The following COPS8 variants were observed in gnomAD, a reference collection of about 807,000 sequenced individuals.
COPS8 encodes the protein COP9 signalosome subunit 8.
COPS8 carries 11 observed loss-of-function variants against 31.5 expected under a neutral mutation model. That is an observed-to-expected ratio of 0.35 (90% CI 0.22 to 0.58). The LOEUF is 0.58. Among genes scored for constraint, COPS8 ranks in the 20% least tolerant of loss-of-function variants. COPS8 has a pLI of 0.83. For synonymous variants in COPS8, 81 were observed against 89.3 expected, an observed-to-expected ratio of 0.91 and a Z score of 0.52; for missense variants, 215 against 255.1, an observed-to-expected ratio of 0.84 and a Z score of 1.07.
chr2:237,086,107 T>G, intron 1 of COPS8, 65 bp downstream of exon 1: 3 of 1,450,342 alleles, frequency 2.1e-6, no homozygotes, highest in Non-Finnish European at 1.9e-6. Flanking sequence ...CGGCACCAGT[T>G]TCCAGGGTAA....
At chr2:237,094,005 C>T in intron 4 of COPS8, 85 bp from the exon 5 acceptor site, 1 of 1,535,636 alleles carries the variant, frequency 6.5e-7, no homozygotes, top group East Asian at 2.3e-5. Flanking sequence ...GAAAACTAGA[C>T]AAGGACAGTG....
At chr2:237,094,852 A>G (rs1003676096) in intron 5 of COPS8, among the ~76,000 whole-genome samples, 2 of 152,066 alleles carry the variant, frequency 1.3e-5, no homozygotes, top group African/African-American at 4.8e-5. Context: ...TGTAATCCCA[A>G]CTACTCAGGA....
intron 4 of COPS8, among the ~76,000 whole-genome samples, chr2:237,091,902 T>TGATA (rs1295666598): frequency 4.6e-5 from 7 of 152,166 alleles, no homozygotes; most frequent in Non-Finnish European, 7.3e-5. Context: ...GCCTCTGACC[T>TGATA]GATAGAGCCC....
chr2:237,097,611 C>A (rs1289911347), intron 7 of COPS8, 52 bp from the exon 8 acceptor site: 7 of 1,346,818 alleles, frequency 5.2e-6, no homozygotes, highest in Non-Finnish European at 2.1e-6. Context: ...GGGGCCAAAG[C>A]TTTGTTACTG....
chr2:237,086,998 T>G (rs1033524007), intron 1 of COPS8, 129 bp from the exon 2 acceptor site: 1 of 638,936 alleles, frequency 1.6e-6, no homozygotes, highest in Non-Finnish European at 2.6e-6. Context: ...ACTTATAGTC[T>G]TAGACTAAAA....
chr2:237,089,780 AT>A (rs2106344713), intron 3 of COPS8, 81 bp from the exon 4 acceptor site: 1 of 1,348,930 alleles, frequency 7.4e-7, no homozygotes, highest in East Asian at 2.4e-5. Flanking sequence ...TTTTTATATC[AT>A]TTCTGGTATT....
At position 237,099,427 on chromosome 2, in the gene COPS8, TTGTC is replaced by T. The variant is rs1696858012; in HGVS notation, c.*1686_*1689del. On this transcript the variant is annotated 3_prime_UTR_variant, in exon 8 of 8. Transcript: ENST00000354371. ...TCAAACACAATATTTCAATTTTACA[TTGTC>T]AGTGGGATATACACTAAGGACAGAA... The T allele has an allele frequency of 6.6e-6, 1 of 152,276 alleles. No homozygotes were observed. Among genetic ancestry groups the T allele is most frequent in the South Asian group, 2.1e-4 (1 of 4,828 alleles). 9.4% of individuals were successfully genotyped at this position (152,276 alleles called of 1,614,324 possible).
At chr2:237,095,317 C>T (rs1422602668) in intron 5 of COPS8, among the ~76,000 whole-genome samples, 2 of 152,074 alleles carry the variant, frequency 1.3e-5, no homozygotes, top group East Asian at 1.9e-4. Flanking sequence ...CTTGAATTTC[C>T]CTCAACTTTA....
intron 4 of COPS8, among the ~76,000 whole-genome samples, chr2:237,092,547 TAAAA>T (rs571024591): frequency 6.8e-6 from 1 of 147,416 alleles, no homozygotes; most frequent in Admixed American, 6.8e-5. Flanking sequence ...TTTACTTCTC[TAAAA>T]AAAAAAAGTA....
Position 237,098,256 on chromosome 2 carries a change from T to C in COPS8, c.*514T>C, listed in dbSNP as rs190691620. ...GCCACTAATGTAAGATACAGAAACA[T>C]AGCTGAGGAACAAATAGACCATTTC... On this transcript the variant is annotated 3_prime_UTR_variant, in exon 8 of 8. Transcript: ENST00000354371. 68 of 153,812 alleles carry C rather than the reference T, an allele frequency of 4.4e-4. No individual in the cohort carries two copies. Among genetic ancestry groups the C allele is most frequent in the Admixed American group, 3.7e-3 (58 of 15,614 alleles). 9.5% of individuals were successfully genotyped at this position (153,812 alleles called of 1,614,324 possible).
intron 4 of COPS8, among the ~76,000 whole-genome samples, chr2:237,090,791 A>G (rs1033671977): frequency 6.6e-5 from 10 of 152,218 alleles, no homozygotes; most frequent in African/African-American, 1.9e-4. Flanking sequence ...TAAAATTCTT[A>G]GCAGCATAAA....
chr2:237,089,349 T>G (rs966297895), intron 3 of COPS8, among the ~76,000 whole-genome samples: 4 of 152,166 alleles, frequency 2.6e-5, no homozygotes, highest in South Asian at 2.1e-4. Flanking sequence ...TTCCTCAGCT[T>G]CTTTGGCTAA....
At chr2:237,087,308 T>TAAAA in intron 2 of COPS8, 111 bp downstream of exon 2, 1 of 669,276 alleles carries the variant, frequency 1.5e-6, no homozygotes, top group Non-Finnish European at 2.6e-6. Context: ...CTACCTTTTT[T>TAAAA]ATTACAGTAA....
intron 6 of COPS8, chr2:237,096,552 C>G (rs1449996955): frequency 2.1e-6 from 1 of 468,462 alleles, no homozygotes; most frequent in Non-Finnish European, 3.7e-6. Flanking sequence ...ACTCGGAATG[C>G]CTATGTTTAG....
intron 4 of COPS8, among the ~76,000 whole-genome samples, chr2:237,091,720 C>T (rs1010380227): frequency 6.6e-6 from 1 of 152,276 alleles, no homozygotes; most frequent in African/African-American, 2.4e-5. Flanking sequence ...GAAACAAGGG[C>T]TGAGGAAGTA....
At chr2:237,097,274 G>A (rs1463141471) in intron 7 of COPS8, among the ~76,000 whole-genome samples, 2 of 131,652 alleles carry the variant, frequency 1.5e-5, no homozygotes, top group African/African-American at 5.8e-5. Context: ...ATTCTTCAGT[G>A]ATGTCTGGGG....
At chr2:237,086,877 C>T in intron 1 of COPS8, 1 of 417,260 alleles carries the variant, frequency 2.4e-6, no homozygotes, top group Non-Finnish European at 3.7e-6. Context: ...GAAACTGAAG[C>T]CCAAAGGGAG....
At position 237,094,113 on chromosome 2, in the gene COPS8, G is replaced by T; in HGVS notation, c.355G>T (p.Ala119Ser). 1.2e-6 allele frequency: 2 copies of T among 1,613,752 alleles called. No homozygotes were observed. The highest frequency in any genetic ancestry group is 4.5e-5 in the East Asian group (2 of 44,870). ...AGATGCAACAAGGAGACGCGCCTTT[G>T]CCCTGGTCTCTCAAGCGTATACTTC... Reference protein sequence around the residue: ...LRDATRRRAFALVSQAYTSII... With the variant: ...LRDATRRRAFSLVSQAYTSII... The change falls in exon 5 of 8, where the codon GCC (alanine) becomes TCC (serine). Residue 119 changes from alanine (A) to serine (S), a missense_variant. By Grantham distance (99) the Ala-to-Ser change is moderately conservative. Transcript: ENST00000354371.
chr2:237,087,085 A>G, intron 1 of COPS8, 42 bp from the exon 2 acceptor site: 1 of 1,340,332 alleles, frequency 7.5e-7, no homozygotes. Context: ...GGTTTTTAAA[A>G]TTTTGTGTTG....
Sources: allele counts gnomAD v4.1 joint callset (sites outside exome capture counted in the v4.1 genomes callset), GRCh38; gene constraint gnomAD v4.1.1; transcripts MANE v1.5; gene names NCBI Gene and HGNC (gene_info 2026-07-23, HGNC 2026-07-21).